The following VWA3B variants were observed in gnomAD, a reference collection of about 807,000 sequenced individuals.
The protein encoded by VWA3B is von Willebrand factor A domain-containing protein 3B.
A neutral mutation model predicts 158.3 loss-of-function variants in VWA3B; 138 were observed. That is an observed-to-expected ratio of 0.87 (90% CI 0.76 to 1.00). The LOEUF (loss-of-function observed/expected upper bound fraction) is 1.00, where lower values mean the gene tolerates loss of function less well. VWA3B is among the 50% of genes least tolerant of loss of function. VWA3B has a pLI of 0.00. For missense variants in VWA3B, 1,555 were observed against 1,565.1 expected (o/e 0.99, Z 0.11); for synonymous variants, 596 against 587.3 (o/e 1.01, Z -0.21).
At chr2:98,121,212 C>A (rs1478203266) in intron 4 of VWA3B, 87 bp from the exon 5 acceptor site, 1 of 1,494,594 alleles carries the variant, frequency 6.7e-7, no homozygotes, top group African/African-American at 1.4e-5. Context: ...ATGTTGGCAG[C>A]TTGCTGCTCA....
At chr2:98,255,839 G>A (rs147745654) in intron 20 of VWA3B, among the ~76,000 whole-genome samples, 5 of 152,298 alleles carry the variant, frequency 3.3e-5, no homozygotes, top group Admixed American at 3.3e-4. Context: ...ACTTAAAACA[G>A]AGATAATGAA....
chr2:98,091,712 TTGAC>T (rs1682305090), intron 1 of VWA3B, among the ~76,000 whole-genome samples: 1 of 152,252 alleles, frequency 6.6e-6, no homozygotes, highest in Non-Finnish European at 1.5e-5. Flanking sequence ...ATTTTTGTGT[TTGAC>T]TGAATTTCCA....
chr2:98,153,435 G>C (rs1428432030), intron 7 of VWA3B, among the ~76,000 whole-genome samples: 1 of 152,142 alleles, frequency 6.6e-6, no homozygotes, highest in Non-Finnish European at 1.5e-5. Flanking sequence ...TTTTGTGTTG[G>C]TGGAGAAAAA....
intron 15 of VWA3B, 84 bp from the exon 16 acceptor site, chr2:98,229,966 T>C (rs1685214412): frequency 7.1e-7 from 1 of 1,414,528 alleles, no homozygotes; most frequent in Non-Finnish European, 9.5e-7. Flanking sequence ...TCAACATGAA[T>C]GTATTGACTT....
intron 23 of VWA3B, among the ~76,000 whole-genome samples, chr2:98,293,299 C>G (rs1278110980): frequency 6.6e-6 from 1 of 152,164 alleles, no homozygotes; most frequent in Admixed American, 6.5e-5. Context: ...AATTAAACTT[C>G]AATAAATCAG....
At chr2:98,245,375 A>T in intron 19 of VWA3B, 1 of 366,462 alleles carries the variant, frequency 2.7e-6, no homozygotes, top group Non-Finnish European at 5.4e-6. Context: ...TCATAGTCAC[A>T]CTAAATTTGA....
At chr2:98,273,827 A>G (rs1688357549) in intron 22 of VWA3B, among the ~76,000 whole-genome samples, 2 of 152,144 alleles carry the variant, frequency 1.3e-5, no homozygotes, top group South Asian at 2.1e-4. Flanking sequence ...TCTTTTATCT[A>G]TACTTTATAT....
rs564302563 is a variant in VWA3B, at chr2:98,161,998, C to T, written c.989-853C>T. 2.6e-5 allele frequency among the ~76,000 whole-genome samples: 4 copies of T among 152,280 alleles called. No homozygotes were observed. In the East Asian group the frequency reaches 7.7e-4, roughly 29 times the overall value. On this transcript the variant is annotated intron_variant, in intron 7 of 27. Transcript: ENST00000477737. ...TTACAGGATTACAGGCGTATGCCAC[C>T]GTGCCCAGCCTGCCCATCTATTCTT...
intron 26 of VWA3B, among the ~76,000 whole-genome samples, chr2:98,307,879 C>A (rs1447700910): frequency 2.6e-5 from 4 of 152,136 alleles, no homozygotes; most frequent in Non-Finnish European, 5.9e-5. Flanking sequence ...GCAAGGGATA[C>A]CTGGGCCCAA....
chr2:98,265,447 T>A (rs1687751198), intron 21 of VWA3B, among the ~76,000 whole-genome samples: 2 of 152,092 alleles, frequency 1.3e-5, no homozygotes, highest in Non-Finnish European at 2.9e-5. Context: ...CTATCATTGA[T>A]GGACATTTGG....
At chr2:98,267,857 T>C (rs1687944247) in intron 21 of VWA3B, among the ~76,000 whole-genome samples, 1 of 152,000 alleles carries the variant, frequency 6.6e-6, no homozygotes, top group Non-Finnish European at 1.5e-5. Context: ...GTAAGGGGGA[T>C]ATCACCACCA....
intron 22 of VWA3B, among the ~76,000 whole-genome samples, chr2:98,283,748 A>G (rs1051842779): frequency 2.0e-5 from 3 of 152,042 alleles, no homozygotes; most frequent in African/African-American, 7.2e-5. Flanking sequence ...CCCCTCCTAA[A>G]CAGAAATAGG....
chr2:98,221,288 G>T (rs1684481847), intron 14 of VWA3B, among the ~76,000 whole-genome samples: 2 of 152,134 alleles, frequency 1.3e-5, no homozygotes, highest in Non-Finnish European at 2.9e-5. Context: ...GACAAAGAAA[G>T]CTCCACGAAA....
At chr2:98,229,083 T>C (rs1034779936) in intron 15 of VWA3B, 1 of 152,228 alleles carries the variant, frequency 6.6e-6, no homozygotes, top group African/African-American at 2.4e-5. Context: ...AGGTAGGGCA[T>C]GACTGTGGAA....
rs1558789299 is a variant in VWA3B at position 98,312,906 on chromosome 2, A to T, written c.*557A>T. 1 of 152,330 alleles carries T rather than the reference A, an allele frequency of 6.6e-6. No homozygotes were observed. Among genetic ancestry groups the T allele is most frequent in the African/African-American group, 2.4e-5 (1 of 41,466 alleles). The allele number at this position is 152,330 out of a possible 1,614,324, so 9.4% of individuals were successfully genotyped here. On this transcript the variant is annotated 3_prime_UTR_variant, in exon 28 of 28. Coordinates refer to ENST00000477737, the MANE Select transcript of VWA3B (RefSeq NM_144992.5). ...TGTAGGTAACTCTAATTGAGCCCGA[A>T]ACCAGAATAAAAACTCTTACATTGG...
intron 22 of VWA3B, among the ~76,000 whole-genome samples, chr2:98,283,279 C>A (rs1688986312): frequency 6.6e-6 from 1 of 152,202 alleles, no homozygotes; most frequent in South Asian, 2.1e-4. Context: ...TTCCCAGAAT[C>A]GATGTGGACA....
intron 14 of VWA3B, among the ~76,000 whole-genome samples, chr2:98,226,481 G>A (rs974426853): frequency 2.0e-5 from 3 of 152,208 alleles, no homozygotes; most frequent in Non-Finnish European, 4.4e-5. Context: ...AGAAAGAAAT[G>A]TGGGAAAAAT....
intron 25 of VWA3B, among the ~76,000 whole-genome samples, chr2:98,303,266 G>T (rs968248653): frequency 1.3e-5 from 2 of 152,134 alleles, no homozygotes; most frequent in African/African-American, 4.8e-5. Flanking sequence ...CGGGGGCGGG[G>T]GGTGGAGGTG....
intron 2 of VWA3B, among the ~76,000 whole-genome samples, chr2:98,105,387 G>A (rs371228793): frequency 2.6e-5 from 4 of 152,194 alleles, no homozygotes; most frequent in African/African-American, 7.2e-5. Flanking sequence ...TCAAAATGAG[G>A]AATTTGACAT....
Sources: allele counts gnomAD v4.1 joint callset (sites outside exome capture counted in the v4.1 genomes callset), GRCh38; gene constraint gnomAD v4.1.1; transcripts MANE v1.5; gene names NCBI Gene and HGNC (gene_info 2026-07-23, HGNC 2026-07-21).